The following DIAPH3 variants were observed in gnomAD, a reference collection of about 807,000 sequenced individuals.
DIAPH3 encodes diaphanous related formin 3, also known as protein diaphanous homolog 3.
Under a neutral mutation model 144.3 loss-of-function variants are expected in DIAPH3, and 117 were observed. That is an observed-to-expected ratio of 0.81 (90% confidence interval 0.70 to 0.95). The LOEUF (loss-of-function observed/expected upper bound fraction) is 0.95. Ranked by LOEUF, DIAPH3 falls within the 40% of genes least tolerant of loss-of-function variation. The pLI is 0.00. For synonymous variants in DIAPH3, 519 were observed against 488.9 expected (o/e 1.06, Z -0.81); for missense variants, 1,421 against 1,412.7 (o/e 1.01, Z -0.09).
intron 17 of DIAPH3, among the ~76,000 whole-genome samples, chr13:59,948,281 C>T (rs1435542392): frequency 6.6e-6 from 1 of 152,142 alleles, no homozygotes; most frequent in Admixed American, 6.5e-5. Context: ...CTTGGCTGTA[C>T]AATTCTTTGA....
chr13:59,873,300 A>G (rs2044392882), intron 21 of DIAPH3, among the ~76,000 whole-genome samples: 1 of 152,120 alleles, frequency 6.6e-6, no homozygotes, highest in Non-Finnish European at 1.5e-5. Flanking sequence ...CTGAATGCAA[A>G]TGGAACAATG....
intron 22 of DIAPH3, among the ~76,000 whole-genome samples, chr13:59,856,386 A>G (rs2043254857): frequency 6.6e-6 from 1 of 152,186 alleles, no homozygotes; most frequent in Non-Finnish European, 1.5e-5. Flanking sequence ...TGGCTTAAAC[A>G]ACAGAAATTC....
intron 22 of DIAPH3, among the ~76,000 whole-genome samples, chr13:59,842,457 C>G (rs1353042321): frequency 6.6e-6 from 1 of 152,026 alleles, no homozygotes; most frequent in Non-Finnish European, 1.5e-5. Flanking sequence ...GTTCCAACAC[C>G]AATCAATTGT....
chr13:59,952,974 G>A (rs1053520813), intron 17 of DIAPH3, among the ~76,000 whole-genome samples: 1 of 152,128 alleles, frequency 6.6e-6, no homozygotes, highest in South Asian at 2.1e-4. Flanking sequence ...AGTAGGGAGA[G>A]AATAAGACAA....
At position 59,991,977 on chromosome 13, in the gene DIAPH3, A is replaced by G. The variant is rs2051851313; in HGVS notation, c.1244+91T>C. The G allele has an allele frequency of 1.5e-5, 15 of 999,374 alleles. No individual in the cohort carries two copies. The South Asian group carries it at 1.7e-4, about 11-fold the overall frequency. 61.9% of individuals were successfully genotyped at this position (999,374 alleles called of 1,614,324 possible). ...GAAGGTTTGATTTCATGTTGTTTAT[A>G]TAGAAATGAGCTAAATATTTGTGGC... On this transcript the variant is annotated intron_variant, in intron 11 of 27. Transcript: ENST00000400324.
At chr13:60,053,052 G>T (rs950203815) in intron 4 of DIAPH3, among the ~76,000 whole-genome samples, 1 of 148,004 alleles carries the variant, frequency 6.8e-6, no homozygotes, top group African/African-American at 2.5e-5. Flanking sequence ...AGACCAGAGA[G>T]ACTATTTTTC....
Position 59,674,303 on chromosome 13 carries a change from G to A in DIAPH3, c.3320-7457C>T, listed in dbSNP as rs533183390. Among the ~76,000 whole-genome samples the A allele has an allele frequency of 8.5e-5, 13 of 152,242 alleles. No individual in the cohort carries two copies. In the East Asian group the frequency reaches 1.9e-3, roughly 23 times the overall value. ...CAGCCCTGTGAGATAGGTAATATGG[G>A]TATATTTAGTATATTTACCTTGTTT... On this transcript the variant is annotated intron_variant, in intron 27 of 27. Transcript: ENST00000400324.
At chr13:60,015,144 T>A (rs2053554007) in intron 7 of DIAPH3, among the ~76,000 whole-genome samples, 1 of 152,130 alleles carries the variant, frequency 6.6e-6, no homozygotes, top group Non-Finnish European at 1.5e-5. Context: ...TGCAGGCATG[T>A]GCCGCCATGC....
At chr13:60,067,054 G>A (rs1256618963) in intron 4 of DIAPH3, among the ~76,000 whole-genome samples, 2 of 152,132 alleles carry the variant, frequency 1.3e-5, no homozygotes, top group Non-Finnish European at 2.9e-5. Flanking sequence ...TGAGACCAGA[G>A]GATTGCTTGA....
chr13:59,762,050 A>ACCTTTTTTTTTTT (rs1389648314), intron 27 of DIAPH3, among the ~76,000 whole-genome samples: 2 of 118,990 alleles, frequency 1.7e-5, no homozygotes, highest in Non-Finnish European at 3.4e-5. Context: ...AAGCGTCAGC[A>ACCTTTTTTTTTTT]TCTTTTTTTT....
chr13:60,060,842 G>A (rs532149701), intron 4 of DIAPH3, among the ~76,000 whole-genome samples: 1 of 152,042 alleles, frequency 6.6e-6, no homozygotes, highest in Admixed American at 6.6e-5. Flanking sequence ...TATATCTAGT[G>A]ATTTTATAAA....
intron 5 of DIAPH3, among the ~76,000 whole-genome samples, chr13:60,030,734 T>G (rs867692810): frequency 6.6e-6 from 1 of 152,176 alleles, no homozygotes; most frequent in Admixed American, 6.5e-5. Context: ...TCTAAAGATG[T>G]GTTGTCCAAT....
At chr13:60,016,527 T>C (rs2053663522) in intron 5 of DIAPH3, among the ~76,000 whole-genome samples, 1 of 152,182 alleles carries the variant, frequency 6.6e-6, no homozygotes, top group Non-Finnish European at 1.5e-5. Context: ...TTTACCAGCA[T>C]ACCACTAATT....
intron 20 of DIAPH3, among the ~76,000 whole-genome samples, chr13:59,884,151 C>T (rs1250371703): frequency 3.9e-5 from 6 of 152,062 alleles, no homozygotes; most frequent in African/African-American, 7.2e-5. Flanking sequence ...CTCATAGGAG[C>T]GAGAACCCTG....
At chr13:60,157,336 A>C (rs1434502067) in intron 1 of DIAPH3, among the ~76,000 whole-genome samples, 2 of 152,184 alleles carry the variant, frequency 1.3e-5, no homozygotes, top group African/African-American at 4.8e-5. Flanking sequence ...CTATGGCAAA[A>C]TAAGCATCAC....
At chr13:59,842,613 A>C (rs2042412274) in intron 22 of DIAPH3, among the ~76,000 whole-genome samples, 1 of 151,928 alleles carries the variant, frequency 6.6e-6, no homozygotes, top group African/African-American at 2.4e-5. Context: ...CCACAAAACT[A>C]CCCTCATTTC....
intron 4 of DIAPH3, among the ~76,000 whole-genome samples, chr13:60,065,997 G>A (rs1215353273): frequency 6.6e-6 from 1 of 152,078 alleles, no homozygotes; most frequent in Non-Finnish European, 1.5e-5. Flanking sequence ...AAAATAAAAT[G>A]TCATTTTTAA....
At chr13:59,846,802 G>A (rs149797744) in intron 22 of DIAPH3, among the ~76,000 whole-genome samples, 91 of 152,318 alleles carry the variant, frequency 6.0e-4, no homozygotes, top group South Asian at 2.1e-4. Context: ...GCTGCCGGGT[G>A]CAGTGGTTCA....
intron 27 of DIAPH3, among the ~76,000 whole-genome samples, chr13:59,685,145 G>T (rs1427231777): frequency 6.6e-6 from 1 of 151,950 alleles, no homozygotes; most frequent in African/African-American, 2.4e-5. Context: ...GTGTAGGGGT[G>T]AAGGGTGGGA....
Sources: allele counts gnomAD v4.1 joint callset (sites outside exome capture counted in the v4.1 genomes callset), GRCh38; gene constraint gnomAD v4.1.1; transcripts MANE v1.5; gene names NCBI Gene and HGNC (gene_info 2026-07-23, HGNC 2026-07-21).